TDRD3: variants seen among roughly 807,000 people sequenced by gnomAD.
TDRD3 encodes the protein tudor domain-containing protein 3.
TDRD3 carries 45 observed loss-of-function variants against 86.7 expected under a neutral mutation model. The observed-to-expected ratio is 0.52, with a 90% CI of 0.41 to 0.67. The LOEUF is 0.67. Ranked by LOEUF, TDRD3 falls within the 30% of genes least tolerant of loss-of-function variation. TDRD3 has a pLI of 0.00. For missense variants in TDRD3, 814 were observed against 889.0 expected (o/e 0.92, Z 1.07); for synonymous variants, 298 against 301.7 (o/e 0.99, Z 0.13).
chr13:60,495,589 G>C (rs1365816698), intron 8 of TDRD3, among the ~76,000 whole-genome samples: 1 of 151,870 alleles, frequency 6.6e-6, no homozygotes, highest in Non-Finnish European at 1.5e-5. Context: ...TCAGCCTCTT[G>C]AGTAGCTGGG....
In TDRD3 at chr13:60,465,864, C is replaced by A. The variant is rs148862162; in HGVS notation, c.354-1374C>A. Among the ~76,000 whole-genome samples, 514 of 152,180 alleles carry A rather than the reference C, an allele frequency of 3.4e-3. 4 individuals carry two copies. Among genetic ancestry groups the A allele is most frequent in the African/African-American group, 0.012 (490 of 41,528 alleles). ...GTATTTACCTTAGAAGTACTATTTG[C>A]AGTACTTCTTGCTGTATGTGAGAAG... is the stretch of plus-strand genomic sequence containing the variant. On this transcript the variant is annotated intron_variant, in intron 4 of 13. Coordinates refer to ENST00000377881, the MANE Select transcript of TDRD3 (RefSeq NM_001146070.2).
chr13:60,560,960 A>C (rs1958318255), intron 12 of TDRD3, among the ~76,000 whole-genome samples: 1 of 152,060 alleles, frequency 6.6e-6, no homozygotes, highest in Admixed American at 6.6e-5. Context: ...TCTGCCATAA[A>C]ATGTTTTGTT....
intron 10 of TDRD3, among the ~76,000 whole-genome samples, chr13:60,525,710 A>G (rs756409339): frequency 2.0e-5 from 3 of 152,176 alleles, no homozygotes; most frequent in Non-Finnish European, 4.4e-5. Flanking sequence ...TTGTTAAATA[A>G]TAAGCTGTTC....
At position 60,519,916 on chromosome 13, in the gene TDRD3, G is replaced by A. The variant is rs563439078; in HGVS notation, c.1142-8451G>A. Among the ~76,000 whole-genome samples, 11 of 152,242 alleles carry A rather than the reference G, an allele frequency of 7.2e-5. No individual in the cohort carries two copies. In the South Asian group the frequency reaches 2.3e-3, roughly 32 times the overall value. On this transcript the variant is annotated intron_variant, in intron 10 of 13. Coordinates refer to ENST00000377881, the MANE Select transcript of TDRD3 (RefSeq NM_001146070.2). ...TGGGCTTTGCATGCATTTTACATGG[G>A]ACTAAACAGGGCAATCTTTGCAGTT...
intron 1 of TDRD3, among the ~76,000 whole-genome samples, chr13:60,412,737 C>G (rs1954395758): frequency 6.6e-6 from 1 of 152,026 alleles, no homozygotes; most frequent in African/African-American, 2.4e-5. Context: ...CTTGCCTTGA[C>G]ATGTTTTCAT....
At chr13:60,397,000 G>T, upstream of TDRD3, 1 of 177,880 alleles carries the variant, frequency 5.6e-6, no homozygotes, top group Non-Finnish European at 1.2e-5. Context: ...ACCTCCTCGC[G>T]ACTTTCCAAG....
chr13:60,455,242 T>C (rs1000924594), intron 3 of TDRD3, among the ~76,000 whole-genome samples: 1 of 152,168 alleles, frequency 6.6e-6, no homozygotes, highest in Admixed American at 6.5e-5. Context: ...CAAATTGTGT[T>C]GAAATGATAC....
intron 11 of TDRD3, among the ~76,000 whole-genome samples, chr13:60,530,344 G>A (rs1595077292): frequency 6.6e-6 from 1 of 152,140 alleles, no homozygotes; most frequent in East Asian, 1.9e-4. Flanking sequence ...GTGTGGGGAT[G>A]GAGACAATAG....
At chr13:60,429,321 T>C (rs1252751098) in intron 1 of TDRD3, among the ~76,000 whole-genome samples, 3 of 152,196 alleles carry the variant, frequency 2.0e-5, no homozygotes, top group Admixed American at 6.5e-5. Flanking sequence ...AAATAGGTAT[T>C]TGTCTTAACT....
chr13:60,510,779 CTT>C, intron 10 of TDRD3, 24 bp downstream of exon 10: 1 of 1,405,102 alleles, frequency 7.1e-7, no homozygotes, highest in Non-Finnish European at 9.4e-7. Context: ...AAGTTGATTC[CTT>C]TTTTTTTCTT....
chr13:60,488,077 C>G lies in TDRD3; in HGVS notation c.717+2129C>G, dbSNP rs529539355. 2.5e-3 allele frequency among the ~76,000 whole-genome samples: 375 copies of G among 152,278 alleles called. 4 individuals are homozygous for G. Among genetic ancestry groups the G allele is most frequent in the African/African-American group, 8.6e-3 (359 of 41,562 alleles). On this transcript the variant is annotated intron_variant, in intron 7 of 13. Coordinates refer to ENST00000377881, the MANE Select transcript of TDRD3 (RefSeq NM_001146070.2). ...GCTGCTCACTGCACAGTAAGCCAAT[C>G]ACTGAGACAATGAGTGTTGCCAGGA... is the stretch of plus-strand genomic sequence containing the variant.
chr13:60,549,371 T>A (rs371976962), intron 12 of TDRD3, among the ~76,000 whole-genome samples: 1 of 152,138 alleles, frequency 6.6e-6, no homozygotes, highest in South Asian at 2.1e-4. Context: ...GTCATCATAG[T>A]GACTATATTA....
In TDRD3 at chr13:60,397,321, A is replaced by AC; in HGVS notation, c.-39dup. 3 of 1,113,168 alleles carry AC rather than the reference A, an allele frequency of 2.7e-6. No homozygotes were observed. The highest frequency in any genetic ancestry group is 2.4e-6 in the Non-Finnish European group (2 of 829,458). 69.0% of individuals were successfully genotyped at this position (1,113,168 alleles called of 1,614,324 possible). A position where few individuals can be genotyped will look rare whatever the true frequency, so the allele number is the denominator to read the frequency against. ...GTCTCAAGTAGGAGGCCTCCCCATC[A>AC]CCCCCACCCCAGCCCCCCACCACCC... On this transcript the variant is annotated 5_prime_UTR_variant, in exon 1 of 14. An upstream open reading frame in the 5' UTR loses its in-frame stop. Coordinates refer to ENST00000377881, the MANE Select transcript of TDRD3 (RefSeq NM_001146070.2).
At chr13:60,444,812 C>A in intron 3 of TDRD3, 64 bp downstream of exon 3, 4 of 974,310 alleles carry the variant, frequency 4.1e-6, no homozygotes, top group Non-Finnish European at 4.4e-6. Flanking sequence ...AACTAAATTA[C>A]TGGAATTACT....
chr13:60,490,255 A>G (rs188224060), intron 7 of TDRD3, among the ~76,000 whole-genome samples: 1 of 152,276 alleles, frequency 6.6e-6, no homozygotes, highest in East Asian at 1.9e-4. Context: ...GCAATTTTAA[A>G]TATAATAGTC....
chr13:60,496,675 G>A (rs1956726162), intron 8 of TDRD3, among the ~76,000 whole-genome samples: 1 of 152,106 alleles, frequency 6.6e-6, no homozygotes, highest in Non-Finnish European at 1.5e-5. Context: ...ACATAATGAA[G>A]CTGGTTGGTT....
rs144149186 is a variant in TDRD3, at chr13:60,461,463, G to T, written c.353+923G>T. Among the ~76,000 whole-genome samples the T allele has an allele frequency of 3.1e-3, 466 of 152,264 alleles. 2 individuals carry two copies. Among genetic ancestry groups the T allele is most frequent in the African/African-American group, 0.011 (442 of 41,562 alleles). ...TTTCCATTTGGCCATTCTGAGCTCT[G>T]TTTTCTGAGGTGGAAACTTTCACTA... On this transcript the variant is annotated intron_variant, in intron 4 of 13. Coordinates refer to ENST00000377881, the MANE Select transcript of TDRD3 (RefSeq NM_001146070.2).
chr13:60,439,385 G>T (rs1955199904), intron 1 of TDRD3, among the ~76,000 whole-genome samples: 1 of 152,100 alleles, frequency 6.6e-6, no homozygotes, highest in African/African-American at 2.4e-5. Flanking sequence ...GATTATATTT[G>T]TATAATAGCA....
intron 7 of TDRD3, among the ~76,000 whole-genome samples, chr13:60,493,342 T>G (rs764077417): frequency 5.3e-5 from 8 of 152,192 alleles, no homozygotes; most frequent in Non-Finnish European, 1.0e-4. Flanking sequence ...TGTTTTAGCT[T>G]CTTCTTTTAT....
Sources: gnomAD v4.1 joint callset for allele counts (sites outside exome capture counted in the v4.1 genomes callset) on GRCh38, gnomAD v4.1.1 for gene constraint, MANE v1.5 for transcripts, NCBI Gene and HGNC (gene_info 2026-07-23, HGNC 2026-07-21) for gene names.